CDH19: variants seen among roughly 807,000 people sequenced by gnomAD.
CDH19 encodes the protein cadherin 19.
CDH19 carries 67 observed loss-of-function variants against 64.2 expected under a neutral mutation model. The ratio of observed to expected loss-of-function variants is 1.04; its 90% CI spans 0.86 to 1.28. CDH19 has a LOEUF of 1.28. Ranked by LOEUF, CDH19 falls within the 50% of genes most tolerant of loss-of-function variation. The pLI is 0.00. For missense variants in CDH19, 1,030 were observed against 929.0 expected (o/e 1.11, Z -1.41); for synonymous variants, 346 against 319.3 (o/e 1.08, Z -0.89).
intron 3 of CDH19, among the ~76,000 whole-genome samples, chr18:66,563,117 A>G (rs12960039): frequency 0.33 from 49,949 of 151,834 alleles, 9,280 homozygotes; most frequent in South Asian, 0.48. Flanking sequence ...AAAGTGAAAA[A>G]TTTTCCTATG....
At chr18:66,587,196 A>T (rs1988602573) in intron 1 of CDH19, among the ~76,000 whole-genome samples, 1 of 152,134 alleles carries the variant, frequency 6.6e-6, no homozygotes, top group Non-Finnish European at 1.5e-5. Context: ...GGCAGAATTG[A>T]CAAAACTTAA....
Position 66,511,638 on chromosome 18 carries a change from C to G in CDH19, c.1506G>C (p.Glu502Asp). ...CAGATAGATTAAAGTAAAAATGGTG[C>G]TCTTCTATGGATTCATCTCTATCCA... ...SAVDRDESIE[E>D]HHFYFNLSVE... Residue 502 changes from glutamate (E) to aspartate (D), a missense_variant, in exon 10 of 12, where the codon GAG becomes GAC. By Grantham distance (45) the Glu-to-Asp change is conservative. Transcript: ENST00000262150. 1 of 1,580,272 alleles carries G rather than the reference C, an allele frequency of 6.3e-7. No individual in the cohort carries two copies. The highest frequency in any genetic ancestry group is 8.7e-7 in the Non-Finnish European group (1 of 1,150,798).
rs546915601 is a variant in CDH19 at position 66,554,487 on chromosome 18, G to A, written c.528C>T (p.Asp176=). 105 of 1,610,124 alleles carry A rather than the reference G, an allele frequency of 6.5e-5. 1 individual carries two copies. The South Asian group carries it at 8.6e-4, about 13-fold the overall frequency. ...GAGCATTATTACCACTTGAGGGATC[G>A]TCAGCATCACTTGCTGTCACCTGGA... ...LVIQVTASDA[D]DPSSGNNARL... The change falls in exon 4 of 12, where the codon GAC becomes GAT. Residue 176 remains aspartate, a synonymous_variant. Coordinates refer to ENST00000262150, the MANE Select transcript of CDH19 (RefSeq NM_021153.4).
intron 1 of CDH19, among the ~76,000 whole-genome samples, chr18:66,594,258 A>T (rs777981084): frequency 1.3e-5 from 2 of 152,176 alleles, no homozygotes; most frequent in African/African-American, 4.8e-5. Flanking sequence ...ACCAAGATTT[A>T]GAAACCAAGG....
intron 9 of CDH19, among the ~76,000 whole-genome samples, chr18:66,528,714 C>A (rs1486025256): frequency 1.3e-5 from 2 of 151,932 alleles, no homozygotes; most frequent in Non-Finnish European, 2.9e-5. Context: ...TTAAGATGTA[C>A]CTATTTCTTA....
chr18:66,505,099 T>A lies in CDH19; in HGVS notation c.2032A>T (p.Ile678Phe). Residue 678 changes from isoleucine (I) to phenylalanine (F), a missense_variant, in exon 12 of 12, where the codon ATC (isoleucine) becomes TTC (phenylalanine). Coordinates refer to ENST00000262150, the MANE Select transcript of CDH19 (RefSeq NM_021153.4). ...AAAGACTGCCTGTATAGGCTCCTGA[T>A]CTCAGCGCTTGTGGTTTTCCGAGTC... Reference protein sequence around the residue: ...RKTRKTTSAEIRSLYRQSLQV... With the variant: ...RKTRKTTSAEFRSLYRQSLQV... 3 of 1,613,686 alleles carry A rather than the reference T, an allele frequency of 1.9e-6. No individual in the cohort carries two copies. The highest frequency in any genetic ancestry group is 2.5e-6 in the Non-Finnish European group (3 of 1,179,772).
At chr18:66,591,620 T>C (rs534945248) in intron 1 of CDH19, among the ~76,000 whole-genome samples, 59 of 152,016 alleles carry the variant, frequency 3.9e-4, no homozygotes, top group African/African-American at 1.3e-3. Context: ...TAGCAGAAGG[T>C]TAAAATTCTT....
chr18:66,582,662 A>G (rs113782327), intron 1 of CDH19, among the ~76,000 whole-genome samples: 2 of 148,666 alleles, frequency 1.3e-5, no homozygotes, highest in South Asian at 2.1e-4. Context: ...AAAAAAAAAA[A>G]GCCCTCTGGG....
At chr18:66,593,965 G>A (rs1988813304) in intron 1 of CDH19, among the ~76,000 whole-genome samples, 1 of 152,034 alleles carries the variant, frequency 6.6e-6, no homozygotes, top group Non-Finnish European at 1.5e-5. Flanking sequence ...ATAATGTGCT[G>A]AATGAAAATG....
chr18:66,567,873 A>G (rs1599022201), intron 3 of CDH19, among the ~76,000 whole-genome samples: 2 of 151,832 alleles, frequency 1.3e-5, no homozygotes, highest in East Asian at 3.9e-4. Flanking sequence ...ATTCTCTCCT[A>G]AATGCATTAT....
At chr18:66,510,564 T>G (rs1156705180) in intron 10 of CDH19, among the ~76,000 whole-genome samples, 1 of 141,124 alleles carries the variant, frequency 7.1e-6, no homozygotes, top group Non-Finnish European at 1.5e-5. Flanking sequence ...ATAAATAAAA[T>G]AACGTTGAAG....
At chr18:66,598,040 A>T (rs1988948680) in intron 1 of CDH19, among the ~76,000 whole-genome samples, 1 of 151,926 alleles carries the variant, frequency 6.6e-6, no homozygotes, top group South Asian at 2.1e-4. Flanking sequence ...TTACAGTATA[A>T]AAAAAAATAT....
chr18:66,588,110 G>A (rs1988629566), intron 1 of CDH19, among the ~76,000 whole-genome samples: 2 of 152,076 alleles, frequency 1.3e-5, no homozygotes, highest in African/African-American at 2.4e-5. Context: ...GTCTGCATGG[G>A]ATTATCTGGA....
Position 66,529,969 on chromosome 18 carries a change from G to A in CDH19, c.1337-3C>T. ...CGAAGAGATCTGTTCTATATTGTCT[G>A]CAATTTGAATATATATAATAAAAAT... is the stretch of plus-strand genomic sequence containing the variant. On this transcript the variant is annotated splice_region_variant and splice_polypyrimidine_tract_variant and intron_variant, in intron 8 of 11. Coordinates refer to ENST00000262150, the MANE Select transcript of CDH19 (RefSeq NM_021153.4). The A allele has an allele frequency of 1.4e-6, 2 of 1,449,614 alleles. No individual in the cohort carries two copies. The highest frequency in any genetic ancestry group is 1.8e-4 in the Middle Eastern group (1 of 5,434). The allele number at this position is 1,449,614 out of a possible 1,614,324, so 89.8% of individuals were successfully genotyped here.
chr18:66,583,222 A>C (rs533242616), intron 1 of CDH19, among the ~76,000 whole-genome samples: 1 of 152,254 alleles, frequency 6.6e-6, no homozygotes, highest in East Asian at 1.9e-4. Context: ...ACATATAAGC[A>C]TTGATAATTA....
intron 11 of CDH19, among the ~76,000 whole-genome samples, chr18:66,508,551 G>A (rs9959831): frequency 0.32 from 48,396 of 151,440 alleles, 9,348 homozygotes; most frequent in African/African-American, 0.54. Context: ...TCCTTCATCT[G>A]GAAAATGTAG....
At chr18:66,528,374 C>T (rs1405193080) in intron 9 of CDH19, among the ~76,000 whole-genome samples, 2 of 152,052 alleles carry the variant, frequency 1.3e-5, no homozygotes, top group Non-Finnish European at 2.9e-5. Context: ...TACTGTACGC[C>T]CATACATTTC....
chr18:66,551,253 T>C lies in CDH19; in HGVS notation c.616A>G (p.Ile206Val), dbSNP rs1446780896. ...YFSVEPTTGVIRISSKMDREL... is the reference protein window; with the variant it reads ...YFSVEPTTGVVRISSKMDREL... Reference sequence around the variant, plus strand: ...CTATCCATTTTAGAAGATATTCTTATGACTCCTTTAAAAATATAATAAAAT... The same window carrying C: ...CTATCCATTTTAGAAGATATTCTTACGACTCCTTTAAAAATATAATAAAAT... Residue 206 changes from isoleucine (I) to valine (V), a missense_variant, in exon 5 of 12, where the codon ATA becomes GTA. By Grantham distance (29) the Ile-to-Val change is conservative. Transcript: ENST00000262150. 7.2e-7 allele frequency: 1 copy of C among 1,386,520 alleles called. No individual in the cohort carries two copies. The allele number at this position is 1,386,520 out of a possible 1,614,324, so 85.9% of individuals were successfully genotyped here.
At chr18:66,509,424 T>C (rs756688775) in intron 10 of CDH19, among the ~76,000 whole-genome samples, 178 bp from the exon 11 acceptor site, 3 of 151,872 alleles carry the variant, frequency 2.0e-5, no homozygotes, top group Non-Finnish European at 4.4e-5. Flanking sequence ...ATTAGTGTTT[T>C]GACATTACCT....
Sources: allele counts gnomAD v4.1 joint callset (sites outside exome capture counted in the v4.1 genomes callset), GRCh38; gene constraint gnomAD v4.1.1; transcripts MANE v1.5; gene names NCBI Gene and HGNC (gene_info 2026-07-23, HGNC 2026-07-21).